Variants in NT5DC1 observed in about 807,000 individuals in gnomAD.
The protein encoded by NT5DC1 is 5'-nucleotidase domain containing 1.
In NT5DC1, 42 loss-of-function variants were observed where a neutral mutation model predicts 59.4. The observed-to-expected ratio is 0.71, with a 90% CI of 0.55 to 0.92. The LOEUF is 0.92. NT5DC1 is among the 40% of genes least tolerant of loss of function. The pLI, the probability that NT5DC1 is intolerant of heterozygous loss-of-function variation, is 0.00. For missense variants in NT5DC1, 501 were observed against 537.1 expected (o/e 0.93, Z 0.66); for synonymous variants, 172 against 188.1 (o/e 0.91, Z 0.70).
chr6:116,207,863 A>G (rs533428975), intron 6 of NT5DC1, among the ~76,000 whole-genome samples: 21 of 152,032 alleles, frequency 1.4e-4, no homozygotes, highest in African/African-American at 5.1e-4. Flanking sequence ...TCATTATGGA[A>G]TGAGGACTGG....
chr6:116,127,849 G>A (rs933187921), intron 6 of NT5DC1, among the ~76,000 whole-genome samples: 4 of 152,140 alleles, frequency 2.6e-5, no homozygotes, highest in Admixed American at 2.0e-4. Flanking sequence ...AATACATAGT[G>A]CTATGCCCCT....
intron 6 of NT5DC1, chr6:116,120,785 G>A (rs577734691): frequency 7.4e-6 from 12 of 1,613,230 alleles, no homozygotes; most frequent in Non-Finnish European, 9.3e-6. Context: ...TATTCCAGGG[G>A]CACCTCTTGG....
chr6:116,203,138 T>G (rs553816596), intron 6 of NT5DC1, among the ~76,000 whole-genome samples: 1 of 152,020 alleles, frequency 6.6e-6, no homozygotes, highest in African/African-American at 2.4e-5. Flanking sequence ...CAAACCAAAT[T>G]ACCAAGTGGT....
chr6:116,152,853 G>A, intron 6 of NT5DC1, among the ~76,000 whole-genome samples: 1 of 152,030 alleles, frequency 6.6e-6, no homozygotes, highest in East Asian at 1.9e-4. Flanking sequence ...ATTTTCTATA[G>A]TTATATTGCC....
chr6:116,127,982 C>T (rs1443681648), intron 6 of NT5DC1, among the ~76,000 whole-genome samples: 1 of 152,064 alleles, frequency 6.6e-6, no homozygotes, highest in African/African-American at 2.4e-5. Flanking sequence ...TTTCTAAGCT[C>T]CTCCCAGTTT....
At chr6:116,237,450 T>G (rs745469521) in intron 9 of NT5DC1, 1 of 463,706 alleles carries the variant, frequency 2.2e-6, no homozygotes, top group South Asian at 1.5e-5. Context: ...CAGAACCCTT[T>G]CTTCTAAGAA....
chr6:116,104,928 C>T (rs971267478), intron 1 of NT5DC1, among the ~76,000 whole-genome samples: 3 of 152,148 alleles, frequency 2.0e-5, no homozygotes, highest in African/African-American at 7.2e-5. Context: ...AGGGCCCTCT[C>T]TACCCTGTAT....
intron 6 of NT5DC1, among the ~76,000 whole-genome samples, chr6:116,204,038 A>C (rs1781397188): frequency 6.6e-6 from 1 of 151,890 alleles, no homozygotes; most frequent in Admixed American, 6.6e-5. Flanking sequence ...AAACCCTCGA[A>C]GGCTGTGGCC....
chr6:116,178,749 C>T (rs1422661992), intron 6 of NT5DC1, among the ~76,000 whole-genome samples: 1 of 152,168 alleles, frequency 6.6e-6, no homozygotes, highest in Non-Finnish European at 1.5e-5. Flanking sequence ...TTGATGCCTC[C>T]CAAAATGTGA....
chr6:116,189,535 A>G (rs1395063173), intron 6 of NT5DC1, among the ~76,000 whole-genome samples: 1 of 152,038 alleles, frequency 6.6e-6, no homozygotes, highest in African/African-American at 2.4e-5. Flanking sequence ...ATGAACATAT[A>G]AACGAATGAG....
chr6:116,165,685 T>C (rs143248409), intron 6 of NT5DC1, among the ~76,000 whole-genome samples: 30 of 152,342 alleles, frequency 2.0e-4, no homozygotes, highest in African/African-American at 7.0e-4. Context: ...AGTTTGTACC[T>C]GCATTTCCTT....
At chr6:116,170,508 A>G (rs889381277) in intron 6 of NT5DC1, among the ~76,000 whole-genome samples, 1 of 152,180 alleles carries the variant, frequency 6.6e-6, no homozygotes, top group African/African-American at 2.4e-5. Flanking sequence ...TTGTGGATAT[A>G]TAACTAAATC....
rs1462224674 is a variant in NT5DC1, at chr6:116,247,181, C to T, written c.*3157C>T. 6.6e-6 allele frequency: 1 copy of T among 152,146 alleles called. No individual in the cohort carries two copies. The allele number at this position is 152,146 out of a possible 1,614,324, so 9.4% of individuals were successfully genotyped here. A position where few individuals can be genotyped will look rare whatever the true frequency, so the allele number is the denominator to read the frequency against. On this transcript the variant is annotated 3_prime_UTR_variant, in exon 12 of 12. Coordinates refer to ENST00000319550, the MANE Select transcript of NT5DC1 (RefSeq NM_152729.3). The stretch of plus-strand genomic sequence containing the variant: ...GGCAAATTCTCAGCCCAAAACCACA[C>T]TTCAATTTAGCAATAATGTCGTGCT...
At chr6:116,156,319 T>G (rs1291218297) in intron 6 of NT5DC1, among the ~76,000 whole-genome samples, 1 of 152,190 alleles carries the variant, frequency 6.6e-6, no homozygotes, top group Non-Finnish European at 1.5e-5. Context: ...AAAAAATTTT[T>G]TTTAGGTTGT....
At chr6:116,107,458 T>C (rs977391776) in intron 2 of NT5DC1, among the ~76,000 whole-genome samples, 15 of 151,808 alleles carry the variant, frequency 9.9e-5, no homozygotes, top group African/African-American at 3.4e-4. Flanking sequence ...AATGAATCTG[T>C]ACTCACCTTT....
intron 6 of NT5DC1, among the ~76,000 whole-genome samples, chr6:116,211,979 TAAG>T (rs1400525293): frequency 6.6e-6 from 1 of 152,082 alleles, no homozygotes. Flanking sequence ...GATTTTAGGA[TAAG>T]AACCCAGGCT....
chr6:116,120,934 TG>T, intron 6 of NT5DC1: 1 of 1,613,860 alleles, frequency 6.2e-7, no homozygotes. Context: ...CATCGAGACC[TG>T]GTTTTCCTGG....
intron 6 of NT5DC1, among the ~76,000 whole-genome samples, chr6:116,208,513 A>G (rs1315813139): frequency 1.3e-5 from 2 of 152,064 alleles, no homozygotes; most frequent in Non-Finnish European, 2.9e-5. Context: ...TATTTCTTGC[A>G]CAGTTAATTT....
chr6:116,192,717 A>G (rs1781146094), intron 6 of NT5DC1, among the ~76,000 whole-genome samples: 3 of 152,090 alleles, frequency 2.0e-5, no homozygotes, highest in Admixed American at 2.0e-4. Context: ...TAAAACTTCA[A>G]CTAACCAGAA....
Sources: allele counts gnomAD v4.1 joint callset (sites outside exome capture counted in the v4.1 genomes callset), GRCh38; gene constraint gnomAD v4.1.1; transcripts MANE v1.5; gene names NCBI Gene and HGNC (gene_info 2026-07-23, HGNC 2026-07-21).